Variants in GDPD4 observed in about 807,000 individuals in gnomAD.
GDPD4 encodes glycerophosphodiester phosphodiesterase domain containing 4.
A neutral mutation model predicts 67.8 loss-of-function variants in GDPD4; 60 were observed. That is an observed-to-expected ratio of 0.88 (90% CI 0.72 to 1.10). The LOEUF is 1.10. Among genes scored for constraint, GDPD4 ranks in the 50% least tolerant of loss-of-function variants. GDPD4 has a pLI of 0.00. For missense variants in GDPD4, 623 were observed against 613.9 expected (o/e 1.01, Z -0.16); for synonymous variants, 212 against 210.9 (o/e 1.00, Z -0.04).
At chr11:77,237,940 A>G (rs574529551) in intron 13 of GDPD4, among the ~76,000 whole-genome samples, 1 of 152,302 alleles carries the variant, frequency 6.6e-6, no homozygotes, top group East Asian at 1.9e-4. Context: ...AAAACAAATA[A>G]GTTTATAGCT....
chr11:77,220,822 A>T (rs1426413813), intron 16 of GDPD4, among the ~76,000 whole-genome samples: 1 of 147,768 alleles, frequency 6.8e-6, no homozygotes, highest in African/African-American at 2.4e-5. Flanking sequence ...TCAGCTGTGA[A>T]TCCGTCTGGT....
chr11:77,245,076 A>G (rs10899364), intron 12 of GDPD4, among the ~76,000 whole-genome samples: 41,370 of 152,092 alleles, frequency 0.27, 6,684 homozygotes, highest in South Asian at 0.45. Context: ...AGCCTCAATG[A>G]TTTTCCCCAC....
chr11:77,298,998 G>T (rs1233234548), intron 1 of GDPD4, among the ~76,000 whole-genome samples: 1 of 151,968 alleles, frequency 6.6e-6, no homozygotes, highest in Non-Finnish European at 1.5e-5. Context: ...TGTAGGGCAT[G>T]ACTCCCCAGA....
At chr11:77,288,600 TA>T in intron 1 of GDPD4, among the ~76,000 whole-genome samples, 1 of 151,912 alleles carries the variant, frequency 6.6e-6, no homozygotes, top group Non-Finnish European at 1.5e-5. Context: ...GAACCCAGAA[TA>T]AAAACTAAAG....
chr11:77,228,043 C>G, intron 15 of GDPD4, 127 bp from the exon 16 acceptor site: 1 of 734,218 alleles, frequency 1.4e-6, no homozygotes, highest in Non-Finnish European at 2.4e-6. Flanking sequence ...CATTTGCCTG[C>G]AAGGATTCCC....
At chr11:77,284,960 G>T in intron 3 of GDPD4, 125 bp downstream of exon 3, 1 of 716,254 alleles carries the variant, frequency 1.4e-6, no homozygotes, top group Non-Finnish European at 2.4e-6. Context: ...CAAAAGCTGT[G>T]GAAAGCCCAG....
chr11:77,235,009 G>GTTTTTTTTTTTTTTTTTTTTTTTTTT lies in GDPD4; in HGVS notation c.1242-1863_1242-1838dup, dbSNP rs57989259. ...TCTCTCTGCAACCTTGTCAATATCTGTTTTTTTTTTTTTTTTTTTTTTTTT... is the reference window on the plus strand; with the variant it reads ...TCTCTCTGCAACCTTGTCAATATCTGTTTTTTTTTTTTTTTTTTTTTTTTTTTTTTTTTTTTTTTTTTTTTTTTTTT... On this transcript the variant is annotated intron_variant, in intron 13 of 16. Transcript: ENST00000315938. Among the ~76,000 whole-genome samples, 51 of 52,260 alleles carry GTTTTTTTTTTTTTTTTTTTTTTTTTT rather than the reference G, an allele frequency of 9.8e-4. 11 individuals are homozygous for GTTTTTTTTTTTTTTTTTTTTTTTTTT. Among genetic ancestry groups the GTTTTTTTTTTTTTTTTTTTTTTTTTT allele is most frequent in the Admixed American group, 1.6e-3 (6 of 3,756 alleles). 34.3% of individuals were successfully genotyped at this position (52,260 alleles called of 152,430 possible). A position where few individuals can be genotyped will look rare whatever the true frequency, so the allele number is the denominator to read the frequency against.
intron 11 of GDPD4, among the ~76,000 whole-genome samples, chr11:77,254,456 G>GT (rs1284665950): frequency 2.0e-5 from 3 of 152,006 alleles, no homozygotes; most frequent in African/African-American, 4.8e-5. Context: ...ATTAAAATAT[G>GT]TTTTTTTATT....
At position 77,276,174 on chromosome 11, in the gene GDPD4, T is replaced by C; in HGVS notation, c.194A>G (p.His65Arg). The C allele has an allele frequency of 1.9e-6, 3 of 1,613,312 alleles. No individual in the cohort carries two copies. Among genetic ancestry groups the C allele is most frequent in the Non-Finnish European group, 2.5e-6 (3 of 1,179,278 alleles). ...LLWERIELYL[H>R]LCHKILILLV... The stretch of plus-strand genomic sequence containing the variant: ...CAGATGTCCTACCTTATGACACAAG[T>C]GCAGGTATAGTTCAATCCTTTCCCA... Residue 65 changes from histidine to arginine, a missense_variant, in exon 5 of 17, where the codon CAC (histidine) becomes CGC (arginine). His to Arg is a conservative substitution (Grantham distance 29, BLOSUM62 0). Transcript: ENST00000315938.
chr11:77,280,465 G>C (rs910010598), intron 3 of GDPD4, among the ~76,000 whole-genome samples: 39 of 150,934 alleles, frequency 2.6e-4, no homozygotes, highest in African/African-American at 8.0e-4. Context: ...TAGCACTCTA[G>C]ATGTAGTCAA....
At chr11:77,229,818 C>T (rs1180925103) in intron 14 of GDPD4, among the ~76,000 whole-genome samples, 1 of 152,178 alleles carries the variant, frequency 6.6e-6, no homozygotes, top group African/African-American at 2.4e-5. Context: ...TACCTACATG[C>T]TCCTCTTCTA....
At chr11:77,265,036 C>T (rs924062937) in intron 10 of GDPD4, among the ~76,000 whole-genome samples, 3 of 151,914 alleles carry the variant, frequency 2.0e-5, no homozygotes, top group African/African-American at 7.3e-5. Flanking sequence ...CTTTATTCAC[C>T]ACACATTTTC....
At chr11:77,246,704 A>T (rs1011776513) in intron 11 of GDPD4, among the ~76,000 whole-genome samples, 1 of 152,232 alleles carries the variant, frequency 6.6e-6, no homozygotes, top group Non-Finnish European at 1.5e-5. Flanking sequence ...TGTCTGGTAC[A>T]TAGATAGAAA....
At position 77,264,790 on chromosome 11, in the gene GDPD4, C is replaced by T. The variant is rs139823367; in HGVS notation, c.707+3667G>A. 2.5e-3 allele frequency among the ~76,000 whole-genome samples: 383 copies of T among 152,082 alleles called. 2 individuals carry two copies. Among genetic ancestry groups the T allele is most frequent in the Non-Finnish European group, 2.5e-3 (169 of 67,964 alleles). On this transcript the variant is annotated intron_variant, in intron 10 of 16. Coordinates refer to ENST00000315938, the MANE Select transcript of GDPD4 (RefSeq NM_182833.3). Reference sequence around the variant, plus strand: ...TCAAGACACTCACCCTAAAATATGACGGCAGGAGACCAGAATATGCCACCC... The same window carrying T: ...TCAAGACACTCACCCTAAAATATGATGGCAGGAGACCAGAATATGCCACCC...
At chr11:77,243,906 C>T (rs746583946) in intron 12 of GDPD4, 58 bp from the exon 13 acceptor site, 38 of 1,261,416 alleles carry the variant, frequency 3.0e-5, no homozygotes, top group Non-Finnish European at 4.1e-5. Context: ...GTACGAACAG[C>T]CCCATAGAGA....
intron 14 of GDPD4, among the ~76,000 whole-genome samples, chr11:77,231,699 C>G (rs963014260): frequency 9.2e-5 from 14 of 152,338 alleles, no homozygotes; most frequent in Middle Eastern, 3.4e-3. Flanking sequence ...AACTTTGAGA[C>G]ATTACTGATT....
chr11:77,222,465 T>C (rs1958246434), intron 16 of GDPD4, among the ~76,000 whole-genome samples: 1 of 152,216 alleles, frequency 6.6e-6, no homozygotes, highest in Admixed American at 6.5e-5. Context: ...GGATGTGATT[T>C]ATTTCTCTTT....
chr11:77,277,543 T>C (rs1161264155), intron 4 of GDPD4, among the ~76,000 whole-genome samples: 4 of 151,282 alleles, frequency 2.6e-5, no homozygotes, highest in Non-Finnish European at 3.0e-5. Context: ...GCTGGGACTA[T>C]GGGCGCCCGC....
At chr11:77,224,529 A>G (rs901611246) in intron 16 of GDPD4, among the ~76,000 whole-genome samples, 1 of 152,216 alleles carries the variant, frequency 6.6e-6, no homozygotes, top group Non-Finnish European at 1.5e-5. Flanking sequence ...CCATGTGGAT[A>G]GGACTTGAGG....
Sources: allele counts gnomAD v4.1 joint callset (sites outside exome capture counted in the v4.1 genomes callset), GRCh38; gene constraint gnomAD v4.1.1; transcripts MANE v1.5; gene names NCBI Gene and HGNC (gene_info 2026-07-23, HGNC 2026-07-21).